Variants in ATP6V0A4 observed in about 807,000 individuals in gnomAD.
ATP6V0A4 encodes V-type proton ATPase 116 kDa subunit a 4.
Under a neutral mutation model 107.3 loss-of-function variants are expected in ATP6V0A4, and 86 were observed. That is an observed-to-expected ratio of 0.80 (90% CI 0.67 to 0.96). ATP6V0A4 has a LOEUF of 0.96. ATP6V0A4 is among the 40% of genes least tolerant of loss of function. The pLI is 0.00. For missense variants in ATP6V0A4, 908 were observed against 1,045.6 expected (o/e 0.87, Z 1.81); for synonymous variants, 353 against 381.4 (o/e 0.93, Z 0.87).
chr7:138,710,088 C>T (rs570352366), intron 20 of ATP6V0A4, among the ~76,000 whole-genome samples: 1 of 151,960 alleles, frequency 6.6e-6, no homozygotes, highest in African/African-American at 2.4e-5. Context: ...TGCCATAGTG[C>T]AATTATGGCT....
chr7:138,771,372 A>G (rs1159556352), intron 2 of ATP6V0A4, 108 bp from the exon 3 acceptor site: 2 of 1,270,032 alleles, frequency 1.6e-6, no homozygotes, highest in African/African-American at 1.5e-5. Context: ...AAAAAAATCC[A>G]TTAGGAATCA....
rs914936483 is a variant in ATP6V0A4 at position 138,706,337 on chromosome 7, T to C, written c.*287A>G. The C allele has an allele frequency of 2.2e-5, 9 of 413,558 alleles. No individual in the cohort carries two copies. Among genetic ancestry groups the C allele is most frequent in the African/African-American group, 1.8e-4 (9 of 49,632 alleles). The allele number at this position is 413,558 out of a possible 1,614,324, so 25.6% of individuals were successfully genotyped here. A position where few individuals can be genotyped will look rare whatever the true frequency, so the allele number is the denominator to read the frequency against. On this transcript the variant is annotated 3_prime_UTR_variant, in exon 22 of 22. Coordinates refer to ENST00000310018, the MANE Select transcript of ATP6V0A4 (RefSeq NM_020632.3). ...ATTTTCTCAAATACAATATTTAAAA[T>C]ATTGCAAGAAGACATCTGTTTAGCA...
rs187507721 is a variant in ATP6V0A4 at position 138,776,919 on chromosome 7, G to A, written c.-17-5655C>T. ...CCCAGCAGTTTGGGAGCCTGAGGCA[G>A]GAGGATCACTTTGAGGCCAGGAGTT... On this transcript the variant is annotated intron_variant, in intron 2 of 21. Transcript: ENST00000310018. 1.9e-3 allele frequency among the ~76,000 whole-genome samples: 293 copies of A among 152,250 alleles called. 1 individual carries two copies. Among genetic ancestry groups the A allele is most frequent in the African/African-American group, 6.5e-3 (269 of 41,550 alleles).
chr7:138,797,253 C>T (rs530802008), intron 1 of ATP6V0A4, among the ~76,000 whole-genome samples: 6 of 132,898 alleles, frequency 4.5e-5, no homozygotes, highest in Non-Finnish European at 9.2e-5. Context: ...CTCCCTCTGT[C>T]GGCCAAGCTG....
At position 138,707,119 on chromosome 7, in the gene ATP6V0A4, TA is replaced by T. The variant is rs569889339; in HGVS notation, c.2430-403del. Among the ~76,000 whole-genome samples the T allele has an allele frequency of 2.4e-3, 169 of 70,446 alleles. 1 individual carries two copies. The highest frequency in any genetic ancestry group is 0.018 in the South Asian group (49 of 2,690). 46.2% of individuals were successfully genotyped at this position (70,446 alleles called of 152,430 possible). A position where few individuals can be genotyped will look rare whatever the true frequency, so the allele number is the denominator to read the frequency against. On this transcript the variant is annotated intron_variant, in intron 21 of 21. Coordinates refer to ENST00000310018, the MANE Select transcript of ATP6V0A4 (RefSeq NM_020632.3). Reference sequence around the variant, plus strand: ...ATAATATATCATATATATTATTATATATAATATTATATATACATCAATATTA... The same window carrying T: ...ATAATATATCATATATATTATTATATTAATATTATATATACATCAATATTA...
At position 138,708,239 on chromosome 7, in the gene ATP6V0A4, G is replaced by A. The variant is rs148873164; in HGVS notation, c.2429+1385C>T. Among the ~76,000 whole-genome samples the A allele has an allele frequency of 5.4e-4, 82 of 151,958 alleles. No individual in the cohort carries two copies. The East Asian group carries it at 0.014, about 26-fold the overall frequency. ...CTAATTTTGTATTTTCAGTAGAGAC[G>A]GGGTTTCTCCACGTCGATCAGGTCA... On this transcript the variant is annotated intron_variant, in intron 21 of 21. Transcript: ENST00000310018.
intron 4 of ATP6V0A4, 137 bp downstream of exon 4, chr7:138,769,036 C>T (rs1347927855): frequency 1.7e-5 from 26 of 1,568,998 alleles, no homozygotes; most frequent in Non-Finnish European, 2.2e-5. Flanking sequence ...CCCCCATTCC[C>T]TCCAGGTGGG....
chr7:138,747,392 T>C (rs780593194), intron 13 of ATP6V0A4, 33 bp downstream of exon 13: 7 of 1,606,600 alleles, frequency 4.4e-6, no homozygotes, highest in African/African-American at 4.0e-5. Flanking sequence ...ATTCTGAAAA[T>C]GAATCAGGGC....
At chr7:138,711,380 G>A (rs12707395) in intron 20 of ATP6V0A4, among the ~76,000 whole-genome samples, 66,600 of 152,022 alleles carry the variant, frequency 0.44, 14,962 homozygotes, top group African/African-American at 0.52. Flanking sequence ...CACAGAGCAC[G>A]TGTGAATGCT....
intron 18 of ATP6V0A4, among the ~76,000 whole-genome samples, chr7:138,727,146 C>A (rs1405367556): frequency 6.8e-6 from 1 of 147,108 alleles, no homozygotes; most frequent in Admixed American, 6.8e-5. Context: ...AATGCTGAGC[C>A]AGGCAGGGGG....
chr7:138,709,837 AG>A, intron 20 of ATP6V0A4, 42 bp from the exon 21 acceptor site: 1 of 1,605,488 alleles, frequency 6.2e-7, no homozygotes, highest in Non-Finnish European at 8.5e-7. Context: ...TTGTAAATGC[AG>A]ATTGTTATTT....
At chr7:138,736,872 A>G (rs1301568235) in intron 15 of ATP6V0A4, among the ~76,000 whole-genome samples, 1 of 151,792 alleles carries the variant, frequency 6.6e-6, no homozygotes, top group Non-Finnish European at 1.5e-5. Context: ...CGCCCGGCCT[A>G]GGGCTGTTAT....
At chr7:138,790,145 C>T (rs930523856) in intron 1 of ATP6V0A4, among the ~76,000 whole-genome samples, 1 of 151,934 alleles carries the variant, frequency 6.6e-6, no homozygotes, top group African/African-American at 2.4e-5. Flanking sequence ...AGGATTCATT[C>T]CAAACATTTT....
intron 21 of ATP6V0A4, among the ~76,000 whole-genome samples, chr7:138,707,170 A>ATATAATATAATATAT (rs1803431363): frequency 4.1e-5 from 3 of 72,688 alleles, no homozygotes; most frequent in African/African-American, 1.9e-4. Flanking sequence ...AATATATTAT[A>ATATAATATAATATAT]TATATTATAT....
At chr7:138,793,348 C>A (rs1808513176) in intron 1 of ATP6V0A4, among the ~76,000 whole-genome samples, 1 of 152,134 alleles carries the variant, frequency 6.6e-6, no homozygotes, top group Admixed American at 6.5e-5. Context: ...AAAGAAGGTT[C>A]AATTTGCCAG....
At position 138,706,653 on chromosome 7, in the gene ATP6V0A4, G is replaced by A; in HGVS notation, c.2494C>T (p.His832Tyr). 6.2e-7 allele frequency: 1 copy of A among 1,613,946 alleles called. No individual in the cohort carries two copies. The highest frequency in any genetic ancestry group is 8.5e-7 in the Non-Finnish European group (1 of 1,179,948). ...TCCTCGGCTGTGCCATCCAGGATGTGTTTAAAGGAGAATGGAGAAAACTTG... is the reference window on the plus strand; with the variant it reads ...TCCTCGGCTGTGCCATCCAGGATGTATTTAAAGGAGAATGGAGAAAACTTG... ...GYKFSPFSFK[H>Y]ILDGTAEE The change falls in exon 22 of 22, where the codon CAC becomes TAC. Residue 832 changes from histidine (H) to tyrosine (Y), a missense_variant. His to Tyr is a moderately conservative substitution (Grantham distance 83). Transcript: ENST00000310018.
intron 18 of ATP6V0A4, among the ~76,000 whole-genome samples, chr7:138,728,211 A>G (rs1258207329): frequency 6.6e-6 from 1 of 150,384 alleles, no homozygotes; most frequent in Non-Finnish European, 1.5e-5. Flanking sequence ...AGTCTGTCAG[A>G]CATAAGGTTT....
In ATP6V0A4 at chr7:138,734,631, AGCTGG is replaced by A. The variant is rs532096211; in HGVS notation, c.1573-382_1573-378del. ...GTCTCTACACCAAAATACAAAAATT[AGCTGG>A]GCATGGTGGCGGGTGCCTGTAATCC... On this transcript the variant is annotated intron_variant, in intron 15 of 21. Transcript: ENST00000310018. 3.8e-3 allele frequency among the ~76,000 whole-genome samples: 584 copies of A among 152,188 alleles called. 1 individual carries two copies. The highest frequency in any genetic ancestry group is 6.6e-3 in the Non-Finnish European group (449 of 68,008).
chr7:138,745,917 C>T (rs112403737), intron 13 of ATP6V0A4, among the ~76,000 whole-genome samples: 1 of 62,904 alleles, frequency 1.6e-5, no homozygotes, highest in African/African-American at 4.9e-5. Context: ...GCCCTCCGGC[C>T]TGGGTGACAG....
Sources: allele counts gnomAD v4.1 joint callset (sites outside exome capture counted in the v4.1 genomes callset), GRCh38; gene constraint gnomAD v4.1.1; transcripts MANE v1.5; gene names NCBI Gene and HGNC (gene_info 2026-07-23, HGNC 2026-07-21).